NALF1: variants seen among roughly 807,000 people sequenced by gnomAD.
The protein encoded by NALF1 is NALCN channel auxiliary factor 1, also known as family with sequence similarity 155 member A.
NALF1 carries 3 observed loss-of-function variants against 48.4 expected under a neutral mutation model. The observed-to-expected ratio is 0.06, with a 90% CI of 0.03 to 0.16. NALF1 has a LOEUF of 0.16. NALF1 is among the 10% of genes least tolerant of loss of function. The probability of loss-of-function intolerance (pLI) is 1.00; values close to 1 mark genes in which losing one functional copy is unlikely to be tolerated. For missense variants in NALF1, 526 were observed against 571.5 expected (o/e 0.92, Z 0.81); for synonymous variants, 262 against 245.7 (o/e 1.07, Z -0.62).
chr13:107,835,412 A>G (rs1451277089), intron 1 of NALF1: 1 of 152,128 alleles, frequency 6.6e-6, no homozygotes, highest in African/African-American at 2.4e-5. Flanking sequence ...CTTCACTAAT[A>G]AAAGAGCCAT....
At position 107,650,394 on chromosome 13, in the gene NALF1, T is replaced by TAAAA. The variant is rs11330259; in HGVS notation, c.915+215284_915+215287dup. On this transcript the variant is annotated intron_variant, in intron 1 of 2. Transcript: ENST00000375915. ...TTTGAACGGTAATCTCTGCAACCAT[T>TAAAA]AAAAAAAAAAAAAAGGAACAAATTA... Among the ~76,000 whole-genome samples the TAAAA allele has an allele frequency of 8.6e-3, 924 of 107,676 alleles. 26 individuals carry two copies. Among genetic ancestry groups the TAAAA allele is most frequent in the African/African-American group, 0.028 (880 of 31,574 alleles). 70.6% of individuals were successfully genotyped at this position (107,676 alleles called of 152,430 possible). A position where few individuals can be genotyped will look rare whatever the true frequency, so the allele number is the denominator to read the frequency against.
At chr13:107,423,797 C>T (rs1884232959) in intron 1 of NALF1, among the ~76,000 whole-genome samples, 1 of 152,016 alleles carries the variant, frequency 6.6e-6, no homozygotes, top group Admixed American at 6.6e-5. Context: ...TTTGGAATTG[C>T]CCTGGAAAGC....
At chr13:107,785,314 C>T (rs531847276) in intron 1 of NALF1, among the ~76,000 whole-genome samples, 17 of 152,078 alleles carry the variant, frequency 1.1e-4, no homozygotes, top group South Asian at 4.2e-4. Flanking sequence ...TGAGAGAAGA[C>T]GTCTCCTTCC....
chr13:107,186,872 G>T (rs77382082), intron 2 of NALF1, among the ~76,000 whole-genome samples: 1 of 152,164 alleles, frequency 6.6e-6, no homozygotes, highest in Non-Finnish European at 1.5e-5. Flanking sequence ...CTGAAATCAA[G>T]GTATGGGATT....
At chr13:107,412,844 G>T (rs1884015702) in intron 1 of NALF1, among the ~76,000 whole-genome samples, 1 of 152,168 alleles carries the variant, frequency 6.6e-6, no homozygotes, top group African/African-American at 2.4e-5. Flanking sequence ...TCTTAAAAGG[G>T]AAGTAATGAA....
chr13:107,774,019 G>T, intron 1 of NALF1, among the ~76,000 whole-genome samples: 1 of 152,122 alleles, frequency 6.6e-6, no homozygotes, highest in East Asian at 1.9e-4. Flanking sequence ...TATTAGTTAA[G>T]TCAGCCTGTT....
At chr13:107,350,761 A>G (rs567788311) in intron 1 of NALF1, among the ~76,000 whole-genome samples, 1 of 152,330 alleles carries the variant, frequency 6.6e-6, no homozygotes, top group South Asian at 2.1e-4. Flanking sequence ...AAAATGCATC[A>G]GAATCACTCA....
intron 1 of NALF1, among the ~76,000 whole-genome samples, chr13:107,281,489 C>T (rs1881386724): frequency 6.6e-6 from 1 of 152,134 alleles, no homozygotes; most frequent in African/African-American, 2.4e-5. Flanking sequence ...GATGGTCCTG[C>T]TATAGGCCTC....
At chr13:107,486,975 T>G (rs1885339095) in intron 1 of NALF1, among the ~76,000 whole-genome samples, 1 of 152,182 alleles carries the variant, frequency 6.6e-6, no homozygotes, top group South Asian at 2.1e-4. Context: ...TAGTAAGGCC[T>G]CTAGCAACTT....
At chr13:107,394,879 C>T (rs1396463525) in intron 1 of NALF1, among the ~76,000 whole-genome samples, 3 of 152,076 alleles carry the variant, frequency 2.0e-5, no homozygotes, top group Non-Finnish European at 4.4e-5. Flanking sequence ...GGAAGGAGAA[C>T]AAAACAGTCT....
intron 1 of NALF1, among the ~76,000 whole-genome samples, chr13:107,538,856 A>G (rs1876916063): frequency 6.6e-6 from 1 of 152,178 alleles, no homozygotes; most frequent in East Asian, 1.9e-4. Context: ...ATAGCACTTT[A>G]AATATAGTTA....
chr13:107,657,037 T>C (rs1302147493), intron 1 of NALF1, among the ~76,000 whole-genome samples: 1 of 151,864 alleles, frequency 6.6e-6, no homozygotes, highest in Non-Finnish European at 1.5e-5. Flanking sequence ...TTGAGGGTGG[T>C]GAGGGCTAAA....
chr13:107,296,785 A>C (rs1022827559), intron 1 of NALF1, among the ~76,000 whole-genome samples: 42 of 152,086 alleles, frequency 2.8e-4, no homozygotes, highest in African/African-American at 8.9e-4. Context: ...GAAAATATAT[A>C]TATATTTTTC....
intron 1 of NALF1, among the ~76,000 whole-genome samples, chr13:107,425,109 G>A (rs1318803426): frequency 2.0e-5 from 3 of 152,140 alleles, no homozygotes; most frequent in Admixed American, 6.6e-5. Context: ...ACAACATTAC[G>A]AAAGAAAGTT....
intron 1 of NALF1, among the ~76,000 whole-genome samples, chr13:107,619,977 A>G (rs975195077): frequency 6.6e-6 from 1 of 152,232 alleles, no homozygotes; most frequent in African/African-American, 2.4e-5. Context: ...GAGTGGAAAG[A>G]AACAGGTGTC....
chr13:107,403,881 T>C (rs905933425), intron 1 of NALF1, among the ~76,000 whole-genome samples: 2 of 152,074 alleles, frequency 1.3e-5, no homozygotes, highest in South Asian at 4.1e-4. Flanking sequence ...TTTTTGTCCA[T>C]GGAAAAGAAT....
chr13:107,447,744 AT>A (rs1225745549), intron 1 of NALF1, among the ~76,000 whole-genome samples: 3 of 152,104 alleles, frequency 2.0e-5, no homozygotes, highest in Non-Finnish European at 2.9e-5. Context: ...GCTGCAGTCA[AT>A]TCTACTCTCC....
At chr13:107,598,035 A>C (rs879743534) in intron 1 of NALF1, among the ~76,000 whole-genome samples, 32 of 152,156 alleles carry the variant, frequency 2.1e-4, no homozygotes, top group Non-Finnish European at 1.5e-4. Flanking sequence ...AATTAAACTA[A>C]ATTTTTCTAG....
intron 1 of NALF1, among the ~76,000 whole-genome samples, chr13:107,628,173 C>T (rs60012871): frequency 0.049 from 7,516 of 151,990 alleles, 662 homozygotes; most frequent in African/African-American, 0.17. Flanking sequence ...GACCAGATGC[C>T]CTTGTAATGG....
Sources: gnomAD v4.1 joint callset for allele counts (sites outside exome capture counted in the v4.1 genomes callset) on GRCh38, gnomAD v4.1.1 for gene constraint, MANE v1.5 for transcripts, NCBI Gene and HGNC (gene_info 2026-07-23, HGNC 2026-07-21) for gene names.